IL2RA: variants seen among roughly 807,000 people sequenced by gnomAD.
IL2RA encodes interleukin 2 receptor subunit alpha, also known as interleukin-2 receptor subunit alpha.
A neutral mutation model predicts 37.8 loss-of-function variants in IL2RA; 24 were observed. The observed-to-expected ratio is 0.63, with a 90% CI of 0.46 to 0.89. The LOEUF (loss-of-function observed/expected upper bound fraction) is 0.89. Ranked by LOEUF, IL2RA falls within the 40% of genes least tolerant of loss-of-function variation. The pLI is 0.00. For synonymous variants in IL2RA, 125 were observed against 114.6 expected (o/e 1.09, Z -0.58); for missense variants, 319 against 348.6 (o/e 0.92, Z 0.68).
At chr10:6,038,739 A>C (rs1839727273) in intron 1 of IL2RA, among the ~76,000 whole-genome samples, 1 of 152,226 alleles carries the variant, frequency 6.6e-6, no homozygotes, top group African/African-American at 2.4e-5. Flanking sequence ...ATTTGTTCTA[A>C]GGTTATTTAT....
chr10:6,061,964 TG>T, intron 1 of IL2RA, 123 bp downstream of exon 1: 1 of 799,066 alleles, frequency 1.3e-6, no homozygotes, highest in Non-Finnish European at 2.2e-6. Flanking sequence ...AGGCAAGAGG[TG>T]GAACCCAAGA....
At position 6,047,951 on chromosome 10, in the gene IL2RA, G is replaced by C. The variant is rs1839892870; in HGVS notation, c.64+14137C>G. ...CCGTTCTCTAGAGGCAGGAACTAAG[G>C]CACAGAGAGGCCCAGTGACTTGCCC... On this transcript the variant is annotated intron_variant, in intron 1 of 7. Coordinates refer to ENST00000379959, the MANE Select transcript of IL2RA (RefSeq NM_000417.3). The surrounding 1 kb of genome is among the most constrained non-coding windows in gnomAD (Gnocchi z 5.0). Among the ~76,000 whole-genome samples the C allele has an allele frequency of 6.6e-6, 1 of 152,184 alleles. No individual in the cohort carries two copies. Among genetic ancestry groups the C allele is most frequent in the Non-Finnish European group, 1.5e-5 (1 of 68,030 alleles).
rs1182361208 is a variant in IL2RA at position 6,036,322 on chromosome 10, T to C, written c.65-10297A>G. 6.6e-6 allele frequency: 1 copy of C among 152,224 alleles called. No homozygotes were observed. The highest frequency in any genetic ancestry group is 1.5e-5 in the Non-Finnish European group (1 of 68,050). The allele number at this position is 152,224 out of a possible 1,614,324, so 9.4% of individuals were successfully genotyped here. A position where few individuals can be genotyped will look rare whatever the true frequency, so the allele number is the denominator to read the frequency against. ...GCACCTGCTCTCTCCTTTCGAGTGT[T>C]CGACTCCACTCTCAGTCACTCGTCA... On this transcript the variant is annotated intron_variant, in intron 1 of 7. Coordinates refer to ENST00000379959, the MANE Select transcript of IL2RA (RefSeq NM_000417.3). The surrounding 1 kb of genome is among the most constrained non-coding windows in gnomAD (Gnocchi z 6.1).
chr10:6,058,959 G>A lies in IL2RA; in HGVS notation c.64+3129C>T, dbSNP rs541248473. 5.3e-5 allele frequency among the ~76,000 whole-genome samples: 8 copies of A among 152,306 alleles called. No individual in the cohort carries two copies. In the South Asian group the frequency reaches 1.7e-3, roughly 32 times the overall value. ...TTGGAAATTTTCAGAATGAAAATCT[G>A]CCCTTATGAATCAGCTAGAAATTGC... On this transcript the variant is annotated intron_variant, in intron 1 of 7. Transcript: ENST00000379959. This position sits in a 1 kb window ranked among gnomAD's most constrained non-coding sequence, Gnocchi z 4.2.
Position 6,026,004 on chromosome 10 carries a change from G to A in IL2RA, c.86C>T (p.Pro29Leu), listed in dbSNP as rs148505161. 2.4e-5 allele frequency: 38 copies of A among 1,613,370 alleles called. No individual in the cohort carries two copies. The highest frequency in any genetic ancestry group is 2.8e-5 in the Non-Finnish European group (33 of 1,180,034). Residue 29 changes from proline (P) to leucine (L), a missense_variant, in exon 2 of 8, where the codon CCA becomes CTA. Pro to Leu is a moderately conservative substitution (Grantham distance 98). Transcript: ENST00000379959. ...TTTGAATGTGGCGTGTGGGATCTCT[G>A]GCGGGTCATCGTCACAGAGCTCTGC... ...CQAELCDDDP[P>L]EIPHATFKAM...
intron 6 of IL2RA, 26 bp downstream of exon 6, chr10:6,019,402 G>T: frequency 1.3e-6 from 2 of 1,550,992 alleles, no homozygotes; most frequent in Non-Finnish European, 1.8e-6. Context: ...TGTACATTTT[G>T]TCCACAAAGC....
In IL2RA at chr10:6,028,099, C is replaced by T. The variant is rs985973817; in HGVS notation, c.65-2074G>A. On this transcript the variant is annotated intron_variant, in intron 1 of 7. Transcript: ENST00000379959. This position sits in a 1 kb window ranked among gnomAD's most constrained non-coding sequence, Gnocchi z 4.1. ...TTGGAGGAGGGAAACACGTGAGAGG[C>T]GCCCACAGTTGCCCTGGCTTCCTTC... 1.3e-5 allele frequency among the ~76,000 whole-genome samples: 2 copies of T among 152,164 alleles called. No homozygotes were observed. Among genetic ancestry groups the T allele is most frequent in the South Asian group, 2.1e-4 (1 of 4,834 alleles).
rs1183864653 is a variant in IL2RA at position 6,057,583 on chromosome 10, C to T, written c.64+4505G>A. Among the ~76,000 whole-genome samples the T allele has an allele frequency of 1.3e-5, 2 of 152,184 alleles. No individual in the cohort carries two copies. Among genetic ancestry groups the T allele is most frequent in the African/African-American group, 2.4e-5 (1 of 41,438 alleles). On this transcript the variant is annotated intron_variant, in intron 1 of 7. Transcript: ENST00000379959. The surrounding 1 kb of genome is among the most constrained non-coding windows in gnomAD (Gnocchi z 4.8). ...AAATCTGTCAAAAACTCACGCCCTC[C>T]CCGTGTCCTCTCCTCAGTGCTTTGG...
chr10:6,043,794 A>G (rs1435784625), intron 1 of IL2RA, among the ~76,000 whole-genome samples: 2 of 152,314 alleles, frequency 1.3e-5, no homozygotes, highest in African/African-American at 2.4e-5. Flanking sequence ...TAAACTGTAA[A>G]CATTTACTGA....
intron 1 of IL2RA, among the ~76,000 whole-genome samples, chr10:6,060,763 T>TAA (rs12722488): frequency 6.0e-4 from 89 of 148,550 alleles, no homozygotes; most frequent in Non-Finnish European, 1.1e-3. Context: ...TCTCAAAAAG[T>TAA]AAAAAAAAAA....
Position 6,047,317 on chromosome 10 carries a change from C to G in IL2RA, c.64+14771G>C, listed in dbSNP as rs922959704. Among the ~76,000 whole-genome samples, 6 of 152,200 alleles carry G rather than the reference C, an allele frequency of 3.9e-5. No homozygotes were observed. The highest frequency in any genetic ancestry group is 1.4e-4 in the African/African-American group (6 of 41,448). On this transcript the variant is annotated intron_variant, in intron 1 of 7. Coordinates refer to ENST00000379959, the MANE Select transcript of IL2RA (RefSeq NM_000417.3). The surrounding 1 kb of genome is among the most constrained non-coding windows in gnomAD (Gnocchi z 5.0). ...GGTCAGGAGTGTGGCCTGTGCCACA[C>G]TCAGAACGCGGGATGAACATAGAGG...
Position 6,036,397 on chromosome 10 carries a change from A to G in IL2RA, c.65-10372T>C, listed in dbSNP as rs1839683104. 6.6e-6 allele frequency: 1 copy of G among 152,214 alleles called. No individual in the cohort carries two copies. Among genetic ancestry groups the G allele is most frequent in the Non-Finnish European group, 1.5e-5 (1 of 68,042 alleles). 9.4% of individuals were successfully genotyped at this position (152,214 alleles called of 1,614,324 possible). On this transcript the variant is annotated intron_variant, in intron 1 of 7. Coordinates refer to ENST00000379959, the MANE Select transcript of IL2RA (RefSeq NM_000417.3). The surrounding 1 kb of genome is among the most constrained non-coding windows in gnomAD (Gnocchi z 6.1). ...AGCTTCTATGTCTTGGATTTCAAAT[A>G]AAAGACGAGGAACTTGGTGAAATGA...
Position 6,062,016 on chromosome 10 carries a change from C to T in IL2RA, c.64+72G>A. On this transcript the variant is annotated intron_variant, in intron 1 of 7. Transcript: ENST00000379959. The stretch of plus-strand genomic sequence containing the variant: ...GGAACCATCTACCTGGGGACTCCCT[C>T]TGGTTCTGTGGCTGGGAAGAGGGAT... 2.3e-6 allele frequency: 3 copies of T among 1,281,662 alleles called. No individual in the cohort carries two copies. In the South Asian group the frequency reaches 3.6e-5, roughly 15 times the overall value. 79.4% of individuals were successfully genotyped at this position (1,281,662 alleles called of 1,614,324 possible).
Position 6,020,907 on chromosome 10 carries a change from G to A in IL2RA, c.583+571C>T, listed in dbSNP as rs938766617. Among the ~76,000 whole-genome samples, 8 of 150,480 alleles carry A rather than the reference G, an allele frequency of 5.3e-5. No individual in the cohort carries two copies. The highest frequency in any genetic ancestry group is 7.3e-5 in the African/African-American group (3 of 40,912). On this transcript the variant is annotated intron_variant, in intron 4 of 7. Coordinates refer to ENST00000379959, the MANE Select transcript of IL2RA (RefSeq NM_000417.3). This position sits in a 1 kb window ranked among gnomAD's most constrained non-coding sequence, Gnocchi z 5.6. ...GAAGACAGCAGGAGACCTCGACATC[G>A]GTGGGCTGAGCATTTGCATGAGTAT...
In IL2RA at chr10:6,019,872, G is replaced by C. The variant is rs1277473513; in HGVS notation, c.653C>G (p.Thr218Arg). 20 of 1,614,010 alleles carry C rather than the reference G, an allele frequency of 1.2e-5. No individual in the cohort carries two copies. Among genetic ancestry groups the C allele is most frequent in the Non-Finnish European group, 1.7e-5 (20 of 1,179,818 alleles). Reference sequence around the variant, plus strand: ...CCAGCGTTTGTCTTCTCCCGCACCTGTTGTTGTGACGAGGCAGGAAGTCTC... The same window carrying C: ...CCAGCGTTTGTCTTCTCCCGCACCTCTTGTTGTGACGAGGCAGGAAGTCTC... ...ESETSCLVTT[T>R]DFQIQTEMAA... The change falls in exon 5 of 8, where the codon ACA becomes AGA. Residue 218 changes from threonine to arginine, a missense_variant and splice_region_variant. Coordinates refer to ENST00000379959, the MANE Select transcript of IL2RA (RefSeq NM_000417.3).
rs1170113718 is a variant in IL2RA at position 6,048,256 on chromosome 10, A to G, written c.64+13832T>C. The stretch of plus-strand genomic sequence containing the variant: ...GATTTTAGAAGTTGGAATTGCCAAA[A>G]ATTGAGGCTGGATTATTAGGTGCAT... On this transcript the variant is annotated intron_variant, in intron 1 of 7. Coordinates refer to ENST00000379959, the MANE Select transcript of IL2RA (RefSeq NM_000417.3). This position sits in a 1 kb window ranked among gnomAD's most constrained non-coding sequence, Gnocchi z 5.3. Among the ~76,000 whole-genome samples the G allele has an allele frequency of 1.3e-5, 2 of 152,208 alleles. No homozygotes were observed. The highest frequency in any genetic ancestry group is 1.5e-5 in the Non-Finnish European group (1 of 68,042).
intron 1 of IL2RA, among the ~76,000 whole-genome samples, chr10:6,038,539 T>C (rs1174787482): frequency 6.6e-6 from 1 of 152,206 alleles, no homozygotes; most frequent in Admixed American, 6.5e-5. Flanking sequence ...TTAAGTAAGT[T>C]GGCTAAACCA....
chr10:6,024,450 A>G (rs2132857367), intron 2 of IL2RA, 96 bp from the exon 3 acceptor site: 1 of 906,004 alleles, frequency 1.1e-6, no homozygotes, highest in South Asian at 1.4e-5. Flanking sequence ...ACACCTGTCC[A>G]GGGCCCACGA....
chr10:6,048,455 G>C lies in IL2RA; in HGVS notation c.64+13633C>G, dbSNP rs544211749. Among the ~76,000 whole-genome samples, 1 of 152,336 alleles carries C rather than the reference G, an allele frequency of 6.6e-6. No homozygotes were observed. The highest frequency in any genetic ancestry group is 2.1e-4 in the South Asian group (1 of 4,820). On this transcript the variant is annotated intron_variant, in intron 1 of 7. Transcript: ENST00000379959. This position sits in a 1 kb window ranked among gnomAD's most constrained non-coding sequence, Gnocchi z 5.3. ...GTGAGGCATCCACACGGAAAGGTCC[G>C]AGGGAAGGGCCTTTGGCCATGCAGA...
Sources: allele counts gnomAD v4.1 joint callset (sites outside exome capture counted in the v4.1 genomes callset), GRCh38; gene constraint gnomAD v4.1.1; non-coding constraint Gnocchi (gnomAD v3.1); transcripts MANE v1.5; gene names NCBI Gene and HGNC (gene_info 2026-07-23, HGNC 2026-07-21).